The following ANXA8 variants were observed in gnomAD, a reference collection of about 807,000 sequenced individuals.
ANXA8 encodes the protein annexin A8, also known as VAC-beta.
A neutral mutation model predicts 26.8 loss-of-function variants in ANXA8; 9 were observed. That is an observed-to-expected ratio of 0.34 (90% CI 0.20 to 0.59). The LOEUF is 0.59. Among genes scored for constraint, ANXA8 ranks in the 20% least tolerant of loss-of-function variants. ANXA8 has a pLI of 0.84. For missense variants in ANXA8, 83 were observed against 238.5 expected (o/e 0.35, Z 4.29); for synonymous variants, 39 against 94.8 (o/e 0.41, Z 3.42).
At chr10:47,673,195 A>C in the ANXA8 span, among the ~76,000 whole-genome samples, 1 of 151,830 alleles carries the variant, frequency 6.6e-6, no homozygotes, top group South Asian at 2.1e-4. Flanking sequence ...ATGTTCACTG[A>C]ATGTTCAGGA....
the ANXA8 span, chr10:47,920,963 G>A: frequency 1.3e-4 from 13 of 103,810 alleles, no homozygotes; most frequent in South Asian, 1.6e-3. Flanking sequence ...GCACTAACAC[G>A]GGGGAACTCT....
At chr10:47,685,098 G>A in the ANXA8 span, among the ~76,000 whole-genome samples, 2 of 150,132 alleles carry the variant, frequency 1.3e-5, no homozygotes, top group African/African-American at 4.9e-5. Flanking sequence ...TCTAATCTCA[G>A]CACTTTGGGA....
At chr10:47,501,623 G>A in the ANXA8 span, among the ~76,000 whole-genome samples, 2 of 140,224 alleles carry the variant, frequency 1.4e-5, no homozygotes, top group Admixed American at 7.3e-5. Flanking sequence ...GCAGGAGAAT[G>A]GTGTGAATCC....
At chr10:47,727,042 T>C in the ANXA8 span, 2 of 1,008,724 alleles carry the variant, frequency 2.0e-6, no homozygotes, top group Non-Finnish European at 3.2e-6. Flanking sequence ...GTACTTTAAA[T>C]TAAGAGCTTT....
At chr10:47,707,510 C>A in the ANXA8 span, among the ~76,000 whole-genome samples, 360 of 142,218 alleles carry the variant, frequency 2.5e-3, no homozygotes, top group African/African-American at 8.3e-3. Flanking sequence ...CCTCAGCCTC[C>A]TGAATAGCTG....
At chr10:47,554,336 A>T in the ANXA8 span, among the ~76,000 whole-genome samples, 1 of 147,050 alleles carries the variant, frequency 6.8e-6, no homozygotes, top group African/African-American at 2.5e-5. Flanking sequence ...AAATAAATAA[A>T]TAAAATAAGG....
At chr10:47,968,117 GTCT>G in the ANXA8 span, among the ~76,000 whole-genome samples, 7 of 150,692 alleles carry the variant, frequency 4.6e-5, no homozygotes, top group Non-Finnish European at 1.0e-4. Context: ...TCTAAAACAT[GTCT>G]TCTTTGTAGC....
At chr10:47,625,945 T>C in the ANXA8 span, among the ~76,000 whole-genome samples, 4 of 150,454 alleles carry the variant, frequency 2.7e-5, no homozygotes, top group Non-Finnish European at 5.9e-5. Flanking sequence ...TTATCTAAAC[T>C]CTCTATATAA....
the ANXA8 span, among the ~76,000 whole-genome samples, chr10:47,743,337 T>TAC: frequency 4.5e-5 from 3 of 67,282 alleles, no homozygotes; most frequent in South Asian, 6.3e-4. Context: ...TACATATATA[T>TAC]ATACATATAT....
the ANXA8 span, among the ~76,000 whole-genome samples, chr10:47,744,442 G>GGGGGGT: frequency 2.7e-5 from 2 of 74,542 alleles, no homozygotes; most frequent in South Asian, 7.5e-4. Flanking sequence ...GGGGGGAAGA[G>GGGGGGT]GGGGGGCCTT....
the ANXA8 span, among the ~76,000 whole-genome samples, chr10:47,939,998 C>A: frequency 6.8e-6 from 1 of 146,274 alleles, no homozygotes; most frequent in Non-Finnish European, 1.5e-5. Context: ...AATCCACAGA[C>A]TCCTTATTTT....
chr10:47,572,617 T>A, the ANXA8 span, among the ~76,000 whole-genome samples: 1 of 149,292 alleles, frequency 6.7e-6, no homozygotes, highest in African/African-American at 2.5e-5. Flanking sequence ...CTCAGGAGGC[T>A]AAGGGAGGAG....
upstream of ANXA8, among the ~76,000 whole-genome samples, chr10:47,488,688 T>C (rs1840088220): frequency 3.5e-5 from 5 of 142,122 alleles, no homozygotes; most frequent in Middle Eastern, 3.6e-3. Flanking sequence ...CAATTTAACA[T>C]TTAACATAGA....
chr10:47,714,367 AAGGAG>A, the ANXA8 span, among the ~76,000 whole-genome samples: 1 of 147,342 alleles, frequency 6.8e-6, no homozygotes, highest in Non-Finnish European at 1.5e-5. Flanking sequence ...GAAAGAAACT[AAGGAG>A]ATGAGCAGGT....
chr10:47,968,186 T>C, the ANXA8 span, among the ~76,000 whole-genome samples: 3,213 of 149,134 alleles, frequency 0.022, 22 homozygotes, highest in African/African-American at 0.074. Context: ...TCGTAACCTG[T>C]AGATTCCCTG....
At chr10:47,625,902 T>G in the ANXA8 span, among the ~76,000 whole-genome samples, 11 of 150,750 alleles carry the variant, frequency 7.3e-5, no homozygotes, top group African/African-American at 1.7e-4. Context: ...TTCTGATGAC[T>G]ACCAATTAAC....
chr10:47,626,640 AC>A, the ANXA8 span, among the ~76,000 whole-genome samples: 1 of 150,116 alleles, frequency 6.7e-6, no homozygotes, highest in African/African-American at 2.5e-5. Context: ...ATTAAAACAC[AC>A]CATTTATTAT....
At chr10:47,776,687 G>A in the ANXA8 span, among the ~76,000 whole-genome samples, 2 of 151,854 alleles carry the variant, frequency 1.3e-5, no homozygotes, top group South Asian at 4.2e-4. Context: ...GATTGGCTGA[G>A]GCCTAGCATA....
At chr10:47,937,858 A>G in the ANXA8 span, among the ~76,000 whole-genome samples, 11 of 123,468 alleles carry the variant, frequency 8.9e-5, no homozygotes, top group African/African-American at 4.1e-4. Flanking sequence ...ACATGATCTC[A>G]TTCTTTTTTA....
Sources: gnomAD v4.1 joint callset for allele counts (sites outside exome capture counted in the v4.1 genomes callset) on GRCh38, gnomAD v4.1.1 for gene constraint, MANE v1.5 for transcripts, NCBI Gene and HGNC (gene_info 2026-07-23, HGNC 2026-07-21) for gene names.